Variants in C12orf43 observed in about 807,000 individuals in gnomAD.
C12orf43 encodes chromosome 12 open reading frame 43, also known as protein CUSTOS.
In C12orf43, 15 loss-of-function variants were observed where a neutral mutation model predicts 20.6. The ratio of observed to expected loss-of-function variants is 0.73; its 90% CI spans 0.49 to 1.12. The LOEUF (loss-of-function observed/expected upper bound fraction) is 1.12. C12orf43 is among the 50% of genes most tolerant of loss of function. The probability of loss-of-function intolerance (pLI) is 0.00; values close to 1 mark genes in which losing one functional copy is unlikely to be tolerated. For synonymous variants in C12orf43, 144 were observed against 130.8 expected, an observed-to-expected ratio of 1.10 and a Z score of -0.69; for missense variants, 334 against 344.4, an observed-to-expected ratio of 0.97 and a Z score of 0.24.
chr12:121,004,202 G>T lies in C12orf43; in HGVS notation c.740C>A (p.Thr247Asn), dbSNP rs748623340. The T allele has an allele frequency of 3.1e-6, 5 of 1,614,100 alleles. No individual in the cohort carries two copies. The highest frequency in any genetic ancestry group is 4.2e-6 in the Non-Finnish European group (5 of 1,180,046). Residue 247 changes from threonine to asparagine, a missense_variant, in exon 6 of 6, where the codon ACC becomes AAC. Transcript: ENST00000288757. The surrounding 1 kb of genome is among the most constrained non-coding windows in gnomAD (Gnocchi z 5.6). ...KKKKAKKASETSPFPPAKSAT... is the reference protein window; with the variant it reads ...KKKKAKKASENSPFPPAKSAT... ...ACTCTTTGCTGGTGGGAATGGAGAG[G>T]TCTCGCTGGCCTTCTTTGCCTTTTT...
Position 121,004,078 on chromosome 12 carries a change from G to T in C12orf43, c.*75C>A. 6.7e-7 allele frequency: 1 copy of T among 1,502,298 alleles called. No homozygotes were observed. The highest frequency in any genetic ancestry group is 1.1e-5 in the South Asian group (1 of 88,660). The allele number at this position is 1,502,298 out of a possible 1,614,324, so 93.1% of individuals were successfully genotyped here. A position where few individuals can be genotyped will look rare whatever the true frequency, so the allele number is the denominator to read the frequency against. ...GAACTTGGAGAGGGAGGTGGGGCTTGGAAATGCCTTGTCCCCAGGGTGGGG... is the reference window on the plus strand; with the variant it reads ...GAACTTGGAGAGGGAGGTGGGGCTTTGAAATGCCTTGTCCCCAGGGTGGGG... On this transcript the variant is annotated 3_prime_UTR_variant, in exon 6 of 6. Coordinates refer to ENST00000288757, the MANE Select transcript of C12orf43 (RefSeq NM_022895.3). This position sits in a 1 kb window ranked among gnomAD's most constrained non-coding sequence, Gnocchi z 5.6.
At chr12:121,012,357 TG>T in intron 1 of C12orf43, 1 of 701,772 alleles carries the variant, frequency 1.4e-6, no homozygotes, top group South Asian at 1.5e-5. Context: ...GGCCCTGACG[TG>T]GGCCAATGGG....
At chr12:121,009,530 GGGT>G (rs1878283247) in intron 3 of C12orf43, among the ~76,000 whole-genome samples, 1 of 152,144 alleles carries the variant, frequency 6.6e-6, no homozygotes. Context: ...TAGGTCGGGA[GGGT>G]GGAGCCTTGA....
intron 1 of C12orf43, among the ~76,000 whole-genome samples, chr12:121,015,709 T>C (rs1215219740): frequency 6.6e-6 from 1 of 152,236 alleles, no homozygotes; most frequent in Non-Finnish European, 1.5e-5. Context: ...TAATGAGATA[T>C]GAAAATCTGT....
intron 3 of C12orf43, among the ~76,000 whole-genome samples, chr12:121,010,012 A>G (rs931077603): frequency 1.3e-5 from 2 of 152,202 alleles, no homozygotes; most frequent in Non-Finnish European, 2.9e-5. Context: ...GGTTAAGAAC[A>G]TGGGCTTGGC....
Position 121,011,389 on chromosome 12 carries a change from T to TTA in C12orf43, c.146-245_146-244dup, listed in dbSNP as rs201526291. On this transcript the variant is annotated intron_variant, in intron 1 of 5. Transcript: ENST00000288757. ...TAGTTACATATTTTATGTAAGTACA[T>TTA]TATATATATATATATCTTAGTTATA... 3.6e-3 allele frequency among the ~76,000 whole-genome samples: 534 copies of TTA among 146,878 alleles called. 3 individuals carry two copies. The highest frequency in any genetic ancestry group is 7.7e-3 in the African/African-American group (312 of 40,494).
At position 121,001,096 on chromosome 12, in the gene C12orf43, C is replaced by A; in HGVS notation, c.*3057G>T. The A allele has an allele frequency of 1.2e-6, 2 of 1,613,906 alleles. No individual in the cohort carries two copies. Among genetic ancestry groups the A allele is most frequent in the Non-Finnish European group, 1.7e-6 (2 of 1,179,922 alleles). On this transcript the variant is annotated 3_prime_UTR_variant, in exon 6 of 6. Transcript: ENST00000288757. ...CCAGCAGCCTGGTGCTGTACCAGAG[C>A]TCAGACTCCAGCAATGGCCAGAGCC...
intron 3 of C12orf43, among the ~76,000 whole-genome samples, chr12:121,009,283 GAAAATACAA>G (rs1343420668): frequency 4.6e-5 from 7 of 152,002 alleles, no homozygotes; most frequent in Admixed American, 2.0e-4. Flanking sequence ...CATTTCTACT[GAAAATACAA>G]AAAATACAAA....
intron 3 of C12orf43, 52 bp from the exon 4 acceptor site, chr12:121,006,446 AAAAC>A (rs748211500): frequency 2.6e-6 from 4 of 1,561,356 alleles, no homozygotes; most frequent in Admixed American, 1.7e-5. Flanking sequence ...GATAACGACA[AAAAC>A]AAAATTCTTT....
At chr12:121,014,652 A>G (rs1868733401) in intron 1 of C12orf43, among the ~76,000 whole-genome samples, 1 of 150,828 alleles carries the variant, frequency 6.6e-6, no homozygotes, top group African/African-American at 2.4e-5. Flanking sequence ...ATGCAAAAAA[A>G]AAAAAAAAAC....
In C12orf43 at chr12:121,001,030, T is replaced by C. The variant is rs1428719291; in HGVS notation, c.*3123A>G. On this transcript the variant is annotated 3_prime_UTR_variant, in exon 6 of 6. Coordinates refer to ENST00000288757, the MANE Select transcript of C12orf43 (RefSeq NM_022895.3). ...GGCAGGTGGGGTGGGTGTGGGTGCC[T>C]GGTGGGTGGCTAGCAGCCTTGTTTG... 3 of 1,611,160 alleles carry C rather than the reference T, an allele frequency of 1.9e-6. No individual in the cohort carries two copies. Among genetic ancestry groups the C allele is most frequent in the East Asian group, 2.2e-5 (1 of 44,886 alleles).
rs535755081 is a variant in C12orf43, at chr12:121,000,854, T to C, written c.*3299A>G. ...CTTCTCCAGTGTTCACACTAAGATG[T>C]ACTCAGGCCACTCCATGGGCGGCCG... is the stretch of plus-strand genomic sequence containing the variant. On this transcript the variant is annotated 3_prime_UTR_variant, in exon 6 of 6. Transcript: ENST00000288757. 3.2e-6 allele frequency: 2 copies of C among 622,330 alleles called. No homozygotes were observed. The highest frequency in any genetic ancestry group is 5.8e-6 in the Non-Finnish European group (2 of 347,144). The allele number at this position is 622,330 out of a possible 1,614,324, so 38.6% of individuals were successfully genotyped here. A position where few individuals can be genotyped will look rare whatever the true frequency, so the allele number is the denominator to read the frequency against.
In C12orf43 at chr12:121,016,420, C is replaced by T; in HGVS notation, c.55G>A (p.Asp19Asn). The stretch of plus-strand genomic sequence containing the variant: ...CGGCACCGCTCCAGCTCCTCCGCAT[C>T]GCTACTGCTGTTACTACTTTCCGAA... ...SDSESSNSSSDAEELERCREA... is the reference protein window; with the variant it reads ...SDSESSNSSSNAEELERCREA... The change falls in exon 1 of 6, where the codon GAT (aspartate) becomes AAT (asparagine). Residue 19 changes from aspartate to asparagine, a missense_variant. Physicochemically the swap from Asp to Asn is conservative, Grantham distance 23 (BLOSUM62 1). Coordinates refer to ENST00000288757, the MANE Select transcript of C12orf43 (RefSeq NM_022895.3). The T allele has an allele frequency of 6.2e-7, 1 of 1,614,040 alleles. No individual in the cohort carries two copies. The highest frequency in any genetic ancestry group is 8.5e-7 in the Non-Finnish European group (1 of 1,180,036).
At chr12:121,006,233 AAAG>A in intron 4 of C12orf43, 85 bp downstream of exon 4, 42 of 1,203,356 alleles carry the variant, frequency 3.5e-5, no homozygotes, top group Middle Eastern at 2.0e-4. Flanking sequence ...GAAAAAAAAA[AAAG>A]AATATACCAA....
At position 121,005,185 on chromosome 12, in the gene C12orf43, A is replaced by AG; in HGVS notation, c.362-93_362-92insC. ...AAATAAAGAAACAAAAAAGAAAAAA[A>AG]TTTTAAAAAGGAAAACGAAAGAAAG... On this transcript the variant is annotated intron_variant, in intron 4 of 5. Transcript: ENST00000288757. The surrounding 1 kb of genome is among the most constrained non-coding windows in gnomAD (Gnocchi z 5.6). 1 of 740,964 alleles carries AG rather than the reference A, an allele frequency of 1.3e-6. No individual in the cohort carries two copies. Among genetic ancestry groups the AG allele is most frequent in the South Asian group, 7.1e-5 (1 of 14,094 alleles). 45.9% of individuals were successfully genotyped at this position (740,964 alleles called of 1,614,324 possible). A position where few individuals can be genotyped will look rare whatever the true frequency, so the allele number is the denominator to read the frequency against.
chr12:121,004,304 G>A lies in C12orf43; in HGVS notation c.638C>T (p.Thr213Ile), dbSNP rs778338932. The change falls in exon 6 of 6, where the codon ACC becomes ATC. Residue 213 changes from threonine to isoleucine, a missense_variant. Transcript: ENST00000288757. This position sits in a 1 kb window ranked among gnomAD's most constrained non-coding sequence, Gnocchi z 5.6. ...VDSAVAATTP[T>I]SMATVQKQKS... ...CTGCTTCTGGACTGTGGCCATGCTG[G>A]TGGGGGTGGTGGCAGCGACAGCCGA... 3 of 1,614,000 alleles carry A rather than the reference G, an allele frequency of 1.9e-6. No homozygotes were observed. The African/African-American group carries it at 4.0e-5, about 22-fold the overall frequency.
chr12:121,000,995 C>T lies in C12orf43; in HGVS notation c.*3158G>A, dbSNP rs1480471047. The T allele has an allele frequency of 6.2e-7, 1 of 1,603,274 alleles. No individual in the cohort carries two copies. The highest frequency in any genetic ancestry group is 8.5e-7 in the Non-Finnish European group (1 of 1,176,868). On this transcript the variant is annotated 3_prime_UTR_variant, in exon 6 of 6. Transcript: ENST00000288757. ...GCCCTGCCTCCCCATCCTGAGTACC[C>T]CTAGGGACAGGCAGGTGGGGTGGGT...
intron 3 of C12orf43, 109 bp from the exon 4 acceptor site, chr12:121,006,503 C>T (rs111362059): frequency 2.2e-5 from 23 of 1,046,988 alleles, no homozygotes; most frequent in African/African-American, 1.9e-4. Context: ...AATGCAAAAG[C>T]GAAAGCGTGC....
chr12:121,011,524 A>G (rs1878472386), intron 1 of C12orf43, among the ~76,000 whole-genome samples: 1 of 151,360 alleles, frequency 6.6e-6, no homozygotes, highest in Admixed American at 6.6e-5. Context: ...ATGTAACTTA[A>G]AATATATATA....
Sources: gnomAD v4.1 joint callset for allele counts (sites outside exome capture counted in the v4.1 genomes callset) on GRCh38, gnomAD v4.1.1 for gene constraint, Gnocchi (gnomAD v3.1) non-coding constraint, MANE v1.5 for transcripts, NCBI Gene and HGNC (gene_info 2026-07-23, HGNC 2026-07-21) for gene names.